RTN4: variants seen among roughly 807,000 people sequenced by gnomAD.
RTN4 encodes the protein reticulon 4.
A neutral mutation model predicts 90.4 loss-of-function variants in RTN4; 32 were observed. That is an observed-to-expected ratio of 0.35 (90% confidence interval 0.27 to 0.48). The LOEUF is 0.48. RTN4 is among the 20% of genes least tolerant of loss of function. The probability of loss-of-function intolerance (pLI) is 0.99; values close to 1 mark genes in which losing one functional copy is unlikely to be tolerated. For synonymous variants in RTN4, 629 were observed against 552.5 expected (o/e 1.14, Z -1.94); for missense variants, 1,706 against 1,430.2 (o/e 1.19, Z -3.11).
chr2:54,989,024 A>G (rs578147317), intron 3 of RTN4, among the ~76,000 whole-genome samples: 1 of 152,372 alleles, frequency 6.6e-6, no homozygotes, highest in African/African-American at 2.4e-5. Context: ...GGTGACATCA[A>G]AGAAAAATCA....
upstream of RTN4, among the ~76,000 whole-genome samples, chr2:55,117,595 C>T (rs1015608122): frequency 2.0e-5 from 3 of 152,232 alleles, no homozygotes; most frequent in African/African-American, 4.8e-5. Flanking sequence ...AATGAGAGGG[C>T]GTGGCAGCTC....
At chr2:55,081,315 G>A (rs12471379) in intron 1 of RTN4, among the ~76,000 whole-genome samples, 38,310 of 151,860 alleles carry the variant, frequency 0.25, 5,391 homozygotes, top group Non-Finnish European at 0.32. Flanking sequence ...GGGCTCAAGT[G>A]ATCCTCCTTC....
chr2:55,118,630 CTTTATCA>C, the RTN4 span, among the ~76,000 whole-genome samples: 1 of 152,128 alleles, frequency 6.6e-6, no homozygotes, highest in Admixed American at 6.5e-5. Context: ...TCCCTCTCAA[CTTTATCA>C]ATTATCTGTG....
chr2:55,114,991 T>C (rs1668099762), upstream of RTN4, among the ~76,000 whole-genome samples: 5 of 152,304 alleles, frequency 3.3e-5, no homozygotes, highest in South Asian at 6.2e-4. Flanking sequence ...ACAGGTTTCA[T>C]GTACTTGGGA....
intron 2 of RTN4, among the ~76,000 whole-genome samples, chr2:55,073,703 T>C (rs540546728): frequency 6.6e-6 from 1 of 152,266 alleles, no homozygotes; most frequent in Non-Finnish European, 1.5e-5. Context: ...TATCAATGGC[T>C]TTCTGGGGAC....
chr2:54,983,231 A>G (rs1678285372), intron 4 of RTN4, among the ~76,000 whole-genome samples: 1 of 152,040 alleles, frequency 6.6e-6, no homozygotes, highest in Admixed American at 6.5e-5. Context: ...CACAGTAGCA[A>G]TCCTAGCAAA....
chr2:55,043,776 C>T (rs1012792548), intron 1 of RTN4, among the ~76,000 whole-genome samples: 1 of 151,016 alleles, frequency 6.6e-6, no homozygotes, highest in African/African-American at 2.4e-5. Flanking sequence ...GTCCCAGCTA[C>T]TCGGGAGGCT....
Position 54,972,963 on chromosome 2 carries a change from T to A in RTN4, c.*193A>T. ...TCCATACATAGCAGCTTACAATACT[T>A]AAGATGATGAACACATGGCAGTCAA... On this transcript the variant is annotated 3_prime_UTR_variant, in exon 9 of 9. Coordinates refer to ENST00000337526, the MANE Select transcript of RTN4 (RefSeq NM_020532.5). 2.0e-6 allele frequency: 1 copy of A among 491,746 alleles called. No individual in the cohort carries two copies. Among genetic ancestry groups the A allele is most frequent in the Admixed American group, 3.4e-5 (1 of 29,120 alleles). The allele number at this position is 491,746 out of a possible 1,614,324, so 30.5% of individuals were successfully genotyped here. A position where few individuals can be genotyped will look rare whatever the true frequency, so the allele number is the denominator to read the frequency against.
At chr2:55,055,726 C>T (rs868164198), upstream of RTN4, among the ~76,000 whole-genome samples, 6 of 150,706 alleles carry the variant, frequency 4.0e-5, no homozygotes, top group South Asian at 2.1e-4. Flanking sequence ...GCAGAGATCG[C>T]GCCACTGCAC....
chr2:55,000,259 G>A (rs1202387965), intron 3 of RTN4, among the ~76,000 whole-genome samples: 1 of 152,144 alleles, frequency 6.6e-6, no homozygotes, highest in African/African-American at 2.4e-5. Flanking sequence ...ACCTGTTACT[G>A]CTACAAAAGT....
At chr2:54,988,882 TG>T (rs1678786558) in intron 3 of RTN4, among the ~76,000 whole-genome samples, 1 of 152,216 alleles carries the variant, frequency 6.6e-6, no homozygotes, top group African/African-American at 2.4e-5. Context: ...TTATGCTCAA[TG>T]CAAGGAGAAC....
Position 55,025,689 on chromosome 2 carries a change from T to G in RTN4, c.2410A>C (p.Lys804Gln). The change falls in exon 3 of 9, where the codon AAG becomes CAG. Residue 804 changes from lysine (K) to glutamine (Q), a missense_variant. Transcript: ENST00000337526. ...TCTTTTGTGTTATCTAAACTGAGCTTAAAAGATTCCAAATATGGCTTTCCT... is the reference window on the plus strand; with the variant it reads ...TCTTTTGTGTTATCTAAACTGAGCTGAAAAGATTCCAAATATGGCTTTCCT... ...EGGKPYLESF[K>Q]LSLDNTKDTL... 1 of 1,613,846 alleles carries G rather than the reference T, an allele frequency of 6.2e-7. No individual in the cohort carries two copies. The highest frequency in any genetic ancestry group is 2.2e-5 in the East Asian group (1 of 44,868).
chr2:55,058,816 T>C (rs926082618), intron 2 of RTN4, among the ~76,000 whole-genome samples: 1 of 152,196 alleles, frequency 6.6e-6, no homozygotes, highest in Non-Finnish European at 1.5e-5. Context: ...TGGTACATTG[T>C]ACAGTCAAAA....
chr2:55,137,369 G>A, the RTN4 span, among the ~76,000 whole-genome samples: 144,247 of 152,230 alleles, frequency 0.95, 68,450 homozygotes, highest in African/African-American at 0.98. Flanking sequence ...ATGCAGTGAC[G>A]CTACGGAGTC....
intron 2 of RTN4, among the ~76,000 whole-genome samples, chr2:55,062,566 T>C (rs949167201): frequency 1.3e-5 from 2 of 152,176 alleles, no homozygotes; most frequent in African/African-American, 4.8e-5. Flanking sequence ...AAGGCCCAAT[T>C]AGACTCAAAT....
chr2:55,027,228 C>G lies in RTN4; in HGVS notation c.871G>C (p.Glu291Gln). Residue 291 changes from glutamate to glutamine, a missense_variant, in exon 3 of 9, where the codon GAG becomes CAG. By Grantham distance (29) the Glu-to-Gln change is conservative. Transcript: ENST00000337526. Reference sequence around the variant, plus strand: ...TCTGAGTATTCTAATTCTGAAAACTCTGTTAAATCTCTATCTATGAGTAGA... The same window carrying G: ...TCTGAGTATTCTAATTCTGAAAACTGTGTTAAATCTCTATCTATGAGTAGA... ...KTLLIDRDLTEFSELEYSEMG... is the reference protein window; with the variant it reads ...KTLLIDRDLTQFSELEYSEMG... The G allele has an allele frequency of 2.5e-6, 4 of 1,613,758 alleles. No homozygotes were observed. Among genetic ancestry groups the G allele is most frequent in the Non-Finnish European group, 3.4e-6 (4 of 1,179,824 alleles).
chr2:55,031,450 T>C (rs569916340), intron 1 of RTN4, among the ~76,000 whole-genome samples: 1 of 152,266 alleles, frequency 6.6e-6, no homozygotes, highest in Non-Finnish European at 1.5e-5. Flanking sequence ...TCCAAAAATC[T>C]GGATAGGGGT....
At chr2:55,048,658 C>T (rs1030120970) in intron 1 of RTN4, among the ~76,000 whole-genome samples, 1 of 152,144 alleles carries the variant, frequency 6.6e-6, no homozygotes, top group African/African-American at 2.4e-5. Context: ...TTGACCTAAA[C>T]GTCGTTATGA....
intron 3 of RTN4, among the ~76,000 whole-genome samples, chr2:55,000,174 T>TA (rs1306120468): frequency 1.3e-5 from 2 of 152,112 alleles, no homozygotes; most frequent in Non-Finnish European, 2.9e-5. Flanking sequence ...CCTGATTTTT[T>TA]AAAAAAGGTG....
Sources: gnomAD v4.1 joint callset for allele counts (sites outside exome capture counted in the v4.1 genomes callset) on GRCh38, gnomAD v4.1.1 for gene constraint, MANE v1.5 for transcripts, NCBI Gene and HGNC (gene_info 2026-07-23, HGNC 2026-07-21) for gene names.